Variants in INPP4A observed in about 807,000 individuals in gnomAD.
The protein encoded by INPP4A is inositol polyphosphate-4-phosphatase type I A.
INPP4A carries 33 observed loss-of-function variants against 119.8 expected under a neutral mutation model. The observed-to-expected ratio is 0.28, with a 90% CI of 0.21 to 0.37. The LOEUF is 0.37. Ranked by LOEUF, INPP4A falls within the 10% of genes least tolerant of loss-of-function variation. The pLI is 1.00. For missense variants in INPP4A, 956 were observed against 1,289.9 expected, an observed-to-expected ratio of 0.74 and a Z score of 3.97; for synonymous variants, 496 against 500.7, an observed-to-expected ratio of 0.99 and a Z score of 0.12.
chr2:98,583,519 G>C (rs1265177054), intron 24 of INPP4A, among the ~76,000 whole-genome samples: 1 of 152,146 alleles, frequency 6.6e-6, no homozygotes, highest in Non-Finnish European at 1.5e-5. Flanking sequence ...AAATAGATCA[G>C]GAAAAACTCC....
At chr2:98,531,627 G>A (rs1015546365) in intron 4 of INPP4A, among the ~76,000 whole-genome samples, 1 of 152,146 alleles carries the variant, frequency 6.6e-6, no homozygotes, top group African/African-American at 2.4e-5. Flanking sequence ...AACACTTAAA[G>A]TAGCAACAAC....
chr2:98,549,497 G>A (rs748474574), intron 13 of INPP4A, among the ~76,000 whole-genome samples: 51 of 152,178 alleles, frequency 3.4e-4, no homozygotes, highest in Non-Finnish European at 5.6e-4. Context: ...ATACAACTGA[G>A]TGACTTTTTC....
intron 4 of INPP4A, among the ~76,000 whole-genome samples, chr2:98,525,110 C>T (rs1687943738): frequency 6.6e-6 from 1 of 152,146 alleles, no homozygotes; most frequent in Non-Finnish European, 1.5e-5. Context: ...GCGTTGTTGG[C>T]AGAATTCAGT....
chr2:98,460,062 T>C (rs1696868286), intron 1 of INPP4A, among the ~76,000 whole-genome samples: 1 of 80,108 alleles, frequency 1.2e-5, no homozygotes, highest in East Asian at 3.9e-4. Context: ...TGCTTCCACT[T>C]CTGGGTGAGA....
At chr2:98,545,707 C>T (rs1212593889) in intron 11 of INPP4A, among the ~76,000 whole-genome samples, 2 of 152,158 alleles carry the variant, frequency 1.3e-5, no homozygotes, top group African/African-American at 4.8e-5. Flanking sequence ...GTTACCATAG[C>T]TTTTTGAAGC....
In INPP4A at chr2:98,588,862, T is replaced by G. The variant is rs1407918400; in HGVS notation, c.*1254T>G. 1 of 212,874 alleles carries G rather than the reference T, an allele frequency of 4.7e-6. No homozygotes were observed. The highest frequency in any genetic ancestry group is 7.2e-5 in the East Asian group (1 of 13,966). 13.2% of individuals were successfully genotyped at this position (212,874 alleles called of 1,614,324 possible). On this transcript the variant is annotated 3_prime_UTR_variant, in exon 25 of 25. Coordinates refer to ENST00000409851, the MANE Select transcript of INPP4A (RefSeq NM_001134225.2). The stretch of plus-strand genomic sequence containing the variant: ...GAAAAGGTTGTAAAAGAAATACATA[T>G]GGCACATATTAATGATGCTGATCCT...
At chr2:98,513,090 G>A (rs927281834) in intron 1 of INPP4A, among the ~76,000 whole-genome samples, 1 of 152,302 alleles carries the variant, frequency 6.6e-6, no homozygotes, top group Non-Finnish European at 1.5e-5. Flanking sequence ...CCGTAGGATG[G>A]GGAAGGACAC....
At chr2:98,511,494 C>CTGGGAGG (rs934258841) in intron 1 of INPP4A, among the ~76,000 whole-genome samples, 2 of 152,154 alleles carry the variant, frequency 1.3e-5, no homozygotes, top group East Asian at 1.9e-4. Flanking sequence ...GTATAGAGAG[C>CTGGGAGG]TGGGAGGTGG....
At chr2:98,484,989 C>T (rs1330289118) in intron 1 of INPP4A, among the ~76,000 whole-genome samples, 3 of 151,750 alleles carry the variant, frequency 2.0e-5, no homozygotes, top group Non-Finnish European at 2.9e-5. Context: ...AGAGTAGTGG[C>T]TTCAGTCTTC....
rs1696495037 is a variant in INPP4A at position 98,566,620 on chromosome 2, A to C, written c.2420+451A>C. ...AAACAGCATGGAGTTCAGGGGCACC[A>C]GGTTCCAGGCAGGGATTGGCAGGTA... On this transcript the variant is annotated intron_variant, in intron 21 of 24. Transcript: ENST00000409851. This position sits in a 1 kb window ranked among gnomAD's most constrained non-coding sequence, Gnocchi z 4.2. 6.6e-6 allele frequency among the ~76,000 whole-genome samples: 1 copy of C among 152,190 alleles called. No individual in the cohort carries two copies. The highest frequency in any genetic ancestry group is 1.5e-5 in the Non-Finnish European group (1 of 68,026).
At chr2:98,587,378 TA>T in intron 24 of INPP4A, 97 bp from the exon 25 acceptor site, 2 of 1,214,964 alleles carry the variant, frequency 1.6e-6, no homozygotes, top group Non-Finnish European at 2.2e-6. Flanking sequence ...ATCTTTTTTT[TA>T]ATGTTATGAA....
chr2:98,486,856 G>A (rs35612603), intron 1 of INPP4A, among the ~76,000 whole-genome samples: 17,833 of 152,282 alleles, frequency 0.12, 1,431 homozygotes, highest in South Asian at 0.21. Context: ...TGACAGGGGC[G>A]GGCAAGGCTG....
rs369738312 is a variant in INPP4A at position 98,520,128 on chromosome 2, C to A, written c.80C>A (p.Ala27Asp). ...CGGGCTTCCACCATCGACGTGGCGG[C>A]CGACATGCTGGGCCTCTCTCTGGCA... The part of the protein sequence containing the change: ...MQRASTIDVA[A>D]DMLGLSLAGN... The change falls in exon 3 of 25, where the codon GCC becomes GAC. Residue 27 changes from alanine to aspartate, a missense_variant. By Grantham distance (126) the Ala-to-Asp change is moderately radical (BLOSUM62 -2). Transcript: ENST00000409851. 5.4e-5 allele frequency: 84 copies of A among 1,562,296 alleles called. No individual in the cohort carries two copies. The highest frequency in any genetic ancestry group is 7.1e-5 in the Non-Finnish European group (82 of 1,152,458).
intron 24 of INPP4A, among the ~76,000 whole-genome samples, chr2:98,580,402 C>G (rs1395471461): frequency 1.3e-5 from 2 of 152,198 alleles, no homozygotes; most frequent in Non-Finnish European, 2.9e-5. Context: ...GTGGCATAAA[C>G]GCTTCTACCA....
intron 9 of INPP4A, 50 bp from the exon 10 acceptor site, chr2:98,539,478 G>A: frequency 1.3e-6 from 2 of 1,577,984 alleles, no homozygotes; most frequent in Non-Finnish European, 1.7e-6. Flanking sequence ...CATGAGGCAG[G>A]TCTGCAGCCA....
chr2:98,501,429 T>A (rs1173643381), intron 1 of INPP4A, among the ~76,000 whole-genome samples: 1 of 152,204 alleles, frequency 6.6e-6, no homozygotes, highest in Non-Finnish European at 1.5e-5. Flanking sequence ...CAGGAAATAC[T>A]GTAGTAGTAT....
At chr2:98,484,043 T>C (rs996117624) in intron 1 of INPP4A, among the ~76,000 whole-genome samples, 4 of 152,096 alleles carry the variant, frequency 2.6e-5, no homozygotes, top group Admixed American at 2.0e-4. Flanking sequence ...AGGTCCTTTC[T>C]CTGCATGTCC....
intron 1 of INPP4A, among the ~76,000 whole-genome samples, chr2:98,489,374 G>C (rs1361671178): frequency 2.0e-5 from 3 of 152,126 alleles, no homozygotes; most frequent in Non-Finnish European, 4.4e-5. Flanking sequence ...GATGGCCTTA[G>C]TGGATAAAAC....
chr2:98,482,430 G>T (rs192813038), intron 1 of INPP4A, among the ~76,000 whole-genome samples: 57 of 152,360 alleles, frequency 3.7e-4, no homozygotes, highest in Non-Finnish European at 4.4e-4. Flanking sequence ...AGAATATGGG[G>T]CCCTGCAAGG....
Sources: gnomAD v4.1 joint callset for allele counts (sites outside exome capture counted in the v4.1 genomes callset) on GRCh38, gnomAD v4.1.1 for gene constraint, Gnocchi (gnomAD v3.1) non-coding constraint, MANE v1.5 for transcripts, NCBI Gene and HGNC (gene_info 2026-07-23, HGNC 2026-07-21) for gene names.